The following LPP variants were observed in gnomAD, a reference collection of about 807,000 sequenced individuals.
The protein encoded by LPP is lipoma-preferred partner.
In LPP, 38 loss-of-function variants were observed where a neutral mutation model predicts 60.4. The observed-to-expected ratio is 0.63, with a 90% confidence interval of 0.49 to 0.83. The LOEUF is 0.83. LPP is among the 40% of genes least tolerant of loss of function. The pLI is 0.00. For missense variants in LPP, 902 were observed against 783.6 expected (o/e 1.15, Z -1.80); for synonymous variants, 328 against 290.8 (o/e 1.13, Z -1.30).
intron 9 of LPP, among the ~76,000 whole-genome samples, chr3:188,822,183 T>C (rs1438117121): frequency 6.6e-6 from 1 of 152,074 alleles, no homozygotes; most frequent in Non-Finnish European, 1.5e-5. Context: ...CCTCTTCTGA[T>C]ACAGGAAGAA....
rs145346014 is a variant in LPP at position 188,280,121 on chromosome 3, G to A, written c.-67+54594G>A. 1.7e-4 allele frequency among the ~76,000 whole-genome samples: 26 copies of A among 152,290 alleles called. No homozygotes were observed. The Middle Eastern group carries it at 0.01, about 60-fold the overall frequency. On this transcript the variant is annotated intron_variant, in intron 2 of 11. Coordinates refer to ENST00000617246, the MANE Select transcript of LPP (RefSeq NM_001375462.1). ...AATTGGCAGCCAATCACTGCCTTTCGTTTTCAGTGACCTCCTAGACATGAG... is the reference window on the plus strand; with the variant it reads ...AATTGGCAGCCAATCACTGCCTTTCATTTTCAGTGACCTCCTAGACATGAG...
chr3:188,760,155 CAG>C lies in LPP; in HGVS notation c.1284_1285del (p.Gly429MetfsTer42). On this transcript the variant is annotated frameshift_variant, in exon 9 of 12. Transcript: ENST00000617246. LOFTEE classifies it high-confidence loss of function. ...GGAGAAAACGTAGTTGGGGAAGGTA[CAG>C]GATGCACTGCCATGGATCAGGTCTT... 2 of 1,614,026 alleles carry C rather than the reference CAG, an allele frequency of 1.2e-6. No individual in the cohort carries two copies. Among genetic ancestry groups the C allele is most frequent in the Non-Finnish European group, 1.7e-6 (2 of 1,179,996 alleles).
rs998761808 is a variant in LPP, at chr3:188,633,502, A to G, written c.1113+23658A>G. ...GCTGTGAACTACATTCTTTGGAGTA[A>G]CAATAAGAAAGACTATACAAAACCT... On this transcript the variant is annotated intron_variant, in intron 7 of 11. Coordinates refer to ENST00000617246, the MANE Select transcript of LPP (RefSeq NM_001375462.1). Among the ~76,000 whole-genome samples the G allele has an allele frequency of 3.7e-4, 57 of 152,226 alleles. 2 individuals are homozygous for G.
intron 6 of LPP, among the ~76,000 whole-genome samples, chr3:188,524,991 G>C (rs1343921839): frequency 8.9e-5 from 11 of 123,814 alleles, no homozygotes; most frequent in African/African-American, 3.5e-4. Flanking sequence ...TTTTTTGATG[G>C]AGTCTTGCTC....
At chr3:188,351,310 A>G (rs1024012116) in intron 3 of LPP, among the ~76,000 whole-genome samples, 10 of 152,194 alleles carry the variant, frequency 6.6e-5, no homozygotes, top group Non-Finnish European at 1.3e-4. Context: ...AAACCTATCT[A>G]GTCCAGCTCC....
intron 4 of LPP, among the ~76,000 whole-genome samples, chr3:188,470,214 T>C (rs1801460897): frequency 6.6e-6 from 1 of 151,984 alleles, no homozygotes; most frequent in African/African-American, 2.4e-5. Context: ...ATCATCCCTA[T>C]GGTGATGTTC....
chr3:188,273,821 CT>C (rs1738702726), intron 2 of LPP, among the ~76,000 whole-genome samples: 1 of 151,996 alleles, frequency 6.6e-6, no homozygotes, highest in African/African-American at 2.4e-5. Flanking sequence ...GTCTCAAACT[CT>C]TGACCTCAGG....
intron 4 of LPP, among the ~76,000 whole-genome samples, chr3:188,440,615 C>A (rs184478099): frequency 1.1e-3 from 166 of 152,272 alleles, no homozygotes; most frequent in African/African-American, 3.8e-3. Flanking sequence ...GCTACTCTTT[C>A]CCTTAGATGT....
intron 3 of LPP, among the ~76,000 whole-genome samples, chr3:188,349,388 TG>T (rs1238729732): frequency 6.6e-6 from 1 of 152,192 alleles, no homozygotes; most frequent in African/African-American, 2.4e-5. Context: ...GGAAGCATAT[TG>T]GTGAATGGAC....
At chr3:188,232,330 A>AT (rs1327281446) in intron 2 of LPP, among the ~76,000 whole-genome samples, 2 of 151,470 alleles carry the variant, frequency 1.3e-5, no homozygotes, top group Admixed American at 6.6e-5. Flanking sequence ...ACTCTCAGCA[A>AT]TTTTTTTTAA....
At chr3:188,872,416 C>A (rs1407826697) in intron 10 of LPP, among the ~76,000 whole-genome samples, 2 of 152,194 alleles carry the variant, frequency 1.3e-5, no homozygotes, top group Admixed American at 1.3e-4. Flanking sequence ...GCTAGATGCT[C>A]TTCATGCCCA....
intron 9 of LPP, among the ~76,000 whole-genome samples, chr3:188,833,620 G>T (rs940388017): frequency 3.3e-5 from 5 of 152,158 alleles, no homozygotes. Context: ...CCTTGGCAGT[G>T]TATCTGACGA....
rs537278353 is a variant in LPP, at chr3:188,180,920, C to T, written c.-190+26668C>T. ...GACGAACATCCTTCTTAACAAAATT[C>T]TTTGTCTGCACCTATGATTATTTTC... On this transcript the variant is annotated intron_variant, in intron 1 of 11. Transcript: ENST00000617246. 3.9e-5 allele frequency: 6 copies of T among 152,068 alleles called. No homozygotes were observed. In the East Asian group the frequency reaches 1.2e-3, roughly 30 times the overall value. The allele number at this position is 152,068 out of a possible 1,614,324, so 9.4% of individuals were successfully genotyped here.
intron 5 of LPP, among the ~76,000 whole-genome samples, chr3:188,511,920 G>A (rs1240851407): frequency 6.6e-6 from 1 of 152,088 alleles, no homozygotes; most frequent in Non-Finnish European, 1.5e-5. Context: ...CTGGCTTGTA[G>A]GATATTTCCT....
chr3:188,613,306 A>ATATCTATATCTATATCTATATCTATATC (rs1553944262), intron 7 of LPP, among the ~76,000 whole-genome samples: 1 of 147,650 alleles, frequency 6.8e-6, no homozygotes, highest in Non-Finnish European at 1.5e-5. Context: ...ATCTATATCT[A>ATATCTATATCTATATCTATATCTATATC]TATCTATATA....
chr3:188,294,210 G>A (rs1007433796), intron 2 of LPP, among the ~76,000 whole-genome samples: 1 of 152,120 alleles, frequency 6.6e-6, no homozygotes, highest in Non-Finnish European at 1.5e-5. Context: ...AGGATAGGTA[G>A]TGATTGCTAA....
intron 9 of LPP, among the ~76,000 whole-genome samples, chr3:188,822,341 G>A (rs1015313870): frequency 4.6e-5 from 7 of 152,142 alleles, no homozygotes; most frequent in African/African-American, 1.7e-4. Flanking sequence ...GAGGCTTAAG[G>A]TTTCAGGAAG....
chr3:188,476,991 A>C (rs1471152201), intron 4 of LPP, among the ~76,000 whole-genome samples: 13 of 152,184 alleles, frequency 8.5e-5, no homozygotes, highest in Admixed American at 8.5e-4. Context: ...ACGGGAGCAA[A>C]ATGAGAATCC....
At chr3:188,513,539 A>G (rs1390241617) in intron 5 of LPP, among the ~76,000 whole-genome samples, 1 of 151,922 alleles carries the variant, frequency 6.6e-6, no homozygotes, top group Non-Finnish European at 1.5e-5. Context: ...TGTTTTATTG[A>G]TGAATAGATA....
Sources: gnomAD v4.1 joint callset for allele counts (sites outside exome capture counted in the v4.1 genomes callset) on GRCh38, gnomAD v4.1.1 for gene constraint, MANE v1.5 for transcripts, NCBI Gene and HGNC (gene_info 2026-07-23, HGNC 2026-07-21) for gene names.